Variants in KCNQ5 observed in about 807,000 individuals in gnomAD.
KCNQ5 encodes potassium voltage-gated channel subfamily Q member 5.
A neutral mutation model predicts 98.2 loss-of-function variants in KCNQ5; 30 were observed. The ratio of observed to expected loss-of-function variants is 0.31; its 90% CI spans 0.23 to 0.41. The LOEUF (loss-of-function observed/expected upper bound fraction) is 0.41, where lower values mean the gene tolerates loss of function less well. Among genes scored for constraint, KCNQ5 ranks in the 10% least tolerant of loss-of-function variants. The pLI is 1.00. For missense variants in KCNQ5, 835 were observed against 1,182.5 expected (o/e 0.71, Z 4.31); for synonymous variants, 458 against 449.4 (o/e 1.02, Z -0.24).
At chr6:73,108,764 T>C (rs1775106931) in intron 6 of KCNQ5, among the ~76,000 whole-genome samples, 2 of 152,156 alleles carry the variant, frequency 1.3e-5, no homozygotes, top group South Asian at 4.1e-4. Flanking sequence ...GAGGCGGAAC[T>C]TGCAGTGAGC....
rs1187411206 is a variant in KCNQ5, at chr6:73,038,913, A to C, written c.490-3023A>C. On this transcript the variant is annotated intron_variant, in intron 2 of 13. Coordinates refer to ENST00000370398, the MANE Select transcript of KCNQ5 (RefSeq NM_019842.4). ...TCTATTTTCTGGGAGAAATTGTGTG[A>C]AAATGATATATTCTTATTTAAATGT... 2.6e-5 allele frequency among the ~76,000 whole-genome samples: 4 copies of C among 152,118 alleles called. No homozygotes were observed. The East Asian group carries it at 5.8e-4, about 22-fold the overall frequency.
intron 2 of KCNQ5, among the ~76,000 whole-genome samples, chr6:73,024,391 A>ATAGAT (rs1562133070): frequency 6.7e-6 from 1 of 150,092 alleles, no homozygotes; most frequent in Non-Finnish European, 1.5e-5. Flanking sequence ...TGATAGATAG[A>ATAGAT]TAGATAGATA....
chr6:72,741,230 G>C (rs140678775), intron 1 of KCNQ5, among the ~76,000 whole-genome samples: 74 of 152,330 alleles, frequency 4.9e-4, no homozygotes, highest in South Asian at 3.7e-3. Context: ...AAGCTCCATG[G>C]TTAAGGTGTC....
intron 5 of KCNQ5, among the ~76,000 whole-genome samples, chr6:73,088,366 G>A (rs1430369900): frequency 6.6e-6 from 1 of 152,044 alleles, no homozygotes; most frequent in East Asian, 1.9e-4. Flanking sequence ...GAGATTACCT[G>A]GTCTTTGTGA....
At chr6:72,776,694 T>G (rs996823205) in intron 1 of KCNQ5, among the ~76,000 whole-genome samples, 1 of 152,210 alleles carries the variant, frequency 6.6e-6, no homozygotes, top group Non-Finnish European at 1.5e-5. Context: ...TGGAATTCAC[T>G]TATTCAGTTG....
chr6:72,710,142 G>A (rs1048138031), intron 1 of KCNQ5, among the ~76,000 whole-genome samples: 1 of 152,072 alleles, frequency 6.6e-6, no homozygotes, highest in African/African-American at 2.4e-5. Flanking sequence ...AATGGTGAAA[G>A]TGCACTGTAA....
intron 10 of KCNQ5, among the ~76,000 whole-genome samples, chr6:73,164,841 C>T (rs1490613686): frequency 1.3e-5 from 2 of 152,100 alleles, no homozygotes; most frequent in Admixed American, 1.3e-4. Context: ...GTAACCACTC[C>T]AGTGTTCCCC....
intron 1 of KCNQ5, among the ~76,000 whole-genome samples, chr6:72,658,857 G>A (rs1766356949): frequency 6.6e-6 from 1 of 152,118 alleles, no homozygotes; most frequent in Non-Finnish European, 1.5e-5. Flanking sequence ...TGGGATTACA[G>A]GCATGAGCCA....
intron 1 of KCNQ5, among the ~76,000 whole-genome samples, chr6:72,830,139 G>T (rs369874852): frequency 6.6e-6 from 1 of 152,044 alleles, no homozygotes; most frequent in Non-Finnish European, 1.5e-5. Flanking sequence ...AATCAATATC[G>T]TGAAAATGGC....
chr6:73,109,892 T>G (rs1280395922), intron 6 of KCNQ5, among the ~76,000 whole-genome samples: 2 of 152,194 alleles, frequency 1.3e-5, no homozygotes, highest in African/African-American at 4.8e-5. Context: ...CACTGCGTAT[T>G]TTAAACATGA....
At chr6:73,194,368 T>G in intron 13 of KCNQ5, 84 bp from the exon 14 acceptor site, 1 of 1,252,782 alleles carries the variant, frequency 8.0e-7, no homozygotes, top group Non-Finnish European at 1.1e-6. Flanking sequence ...TGGCACACCT[T>G]GACTTCATTT....
intron 3 of KCNQ5, among the ~76,000 whole-genome samples, chr6:73,047,558 T>C (rs1772027263): frequency 6.6e-6 from 1 of 152,254 alleles, no homozygotes; most frequent in African/African-American, 2.4e-5. Flanking sequence ...GATTAGCTGA[T>C]ATGGTTGGAC....
chr6:72,722,897 T>G (rs1261334922), intron 1 of KCNQ5, among the ~76,000 whole-genome samples: 1 of 146,814 alleles, frequency 6.8e-6, no homozygotes, highest in Non-Finnish European at 1.5e-5. Context: ...TCACCCAGGC[T>G]GGAGTGTAGT....
intron 1 of KCNQ5, among the ~76,000 whole-genome samples, chr6:72,650,584 G>A (rs916186009): frequency 1.1e-4 from 16 of 152,202 alleles, no homozygotes; most frequent in African/African-American, 3.4e-4. Flanking sequence ...CCATTTAAAA[G>A]CGAAACTATT....
intron 1 of KCNQ5, among the ~76,000 whole-genome samples, chr6:72,666,824 A>C (rs1250151774): frequency 2.0e-5 from 3 of 152,220 alleles, no homozygotes; most frequent in Non-Finnish European, 4.4e-5. Flanking sequence ...GAAACTTATT[A>C]AGTATATTCA....
intron 1 of KCNQ5, among the ~76,000 whole-genome samples, chr6:72,977,328 C>T (rs1372763402): frequency 6.6e-6 from 1 of 152,084 alleles, no homozygotes; most frequent in Non-Finnish European, 1.5e-5. Flanking sequence ...ACAAAAGCAT[C>T]AAGTTTCATT....
intron 11 of KCNQ5, among the ~76,000 whole-genome samples, chr6:73,185,184 G>C (rs940054342): frequency 6.6e-6 from 1 of 152,118 alleles, no homozygotes; most frequent in Non-Finnish European, 1.5e-5. Flanking sequence ...TATGAAAGAA[G>C]TGAGCTTTTT....
At chr6:72,668,336 T>C (rs1766931366) in intron 1 of KCNQ5, among the ~76,000 whole-genome samples, 1 of 152,198 alleles carries the variant, frequency 6.6e-6, no homozygotes, top group East Asian at 1.9e-4. Context: ...TTGCAGAGGA[T>C]ACAATGATGA....
chr6:73,139,139 T>G (rs892550449), intron 10 of KCNQ5, among the ~76,000 whole-genome samples: 1 of 152,230 alleles, frequency 6.6e-6, no homozygotes, highest in African/African-American at 2.4e-5. Flanking sequence ...TTGCAATATC[T>G]TCTATAGATG....
Sources: gnomAD v4.1 joint callset for allele counts (sites outside exome capture counted in the v4.1 genomes callset) on GRCh38, gnomAD v4.1.1 for gene constraint, MANE v1.5 for transcripts, NCBI Gene and HGNC (gene_info 2026-07-23, HGNC 2026-07-21) for gene names.